The following JARID2 variants were observed in gnomAD, a reference collection of about 807,000 sequenced individuals.
JARID2 encodes jumonji and AT-rich interaction domain containing 2.
A neutral mutation model predicts 125.6 loss-of-function variants in JARID2; 21 were observed. The observed-to-expected ratio is 0.17, with a 90% CI of 0.12 to 0.24. The LOEUF is 0.24. Ranked by LOEUF, JARID2 falls within the 10% of genes least tolerant of loss-of-function variation. JARID2 has a pLI of 1.00. For missense variants in JARID2, 1,303 were observed against 1,639.6 expected (o/e 0.79, Z 3.55); for synonymous variants, 736 against 661.6 (o/e 1.11, Z -1.73).
chr6:15,449,401 T>C (rs947970964), intron 3 of JARID2, among the ~76,000 whole-genome samples: 1 of 152,072 alleles, frequency 6.6e-6, no homozygotes, highest in African/African-American at 2.4e-5. Flanking sequence ...ATCCCAACAC[T>C]TTGGGAGGCC....
intron 5 of JARID2, 35 bp downstream of exon 5, chr6:15,468,753 C>T: frequency 1.3e-6 from 2 of 1,585,258 alleles, no homozygotes; most frequent in South Asian, 1.1e-5. Flanking sequence ...AAGAAAAAAT[C>T]TAAAGCTTTG....
At position 15,511,411 on chromosome 6, in the gene JARID2, C is replaced by T; in HGVS notation, c.2952+10C>T. ...GGAAAGCAACGTCATGGTGCGTCCA[C>T]TCAGCCACCGCCTCCAGCAGGAGCT... On this transcript the variant is annotated intron_variant, in intron 13 of 17. Transcript: ENST00000341776. The T allele has an allele frequency of 6.3e-7, 1 of 1,589,564 alleles. No homozygotes were observed. Among genetic ancestry groups the T allele is most frequent in the South Asian group, 1.1e-5 (1 of 90,570 alleles).
chr6:15,361,606 T>C (rs1283512370), intron 1 of JARID2, among the ~76,000 whole-genome samples: 1 of 152,250 alleles, frequency 6.6e-6, no homozygotes. Context: ...AAGTTGTATG[T>C]ATGCCATACC....
chr6:15,481,121 G>A (rs2127705387), intron 5 of JARID2, among the ~76,000 whole-genome samples: 1 of 152,260 alleles, frequency 6.6e-6, no homozygotes, highest in Non-Finnish European at 1.5e-5. Flanking sequence ...ACCTTCTCAG[G>A]GATGAGGTGA....
rs1561924807 is a variant in JARID2, at chr6:15,520,856, AGGAGACG to A, written c.*610_*616del. ...TTGTTTCCTAACCATAGGTGGAACGAGGAGACGGGAGCGAGTGGGCTCTCCACCAGCA... is the reference window on the plus strand; with the variant it reads ...TTGTTTCCTAACCATAGGTGGAACGAGGAGCGAGTGGGCTCTCCACCAGCA... On this transcript the variant is annotated 3_prime_UTR_variant, in exon 18 of 18. Transcript: ENST00000341776. 1 of 455,910 alleles carries A rather than the reference AGGAGACG, an allele frequency of 2.2e-6. No homozygotes were observed. Among genetic ancestry groups the A allele is most frequent in the East Asian group, 7.0e-5 (1 of 14,378 alleles). The allele number at this position is 455,910 out of a possible 1,614,324, so 28.2% of individuals were successfully genotyped here.
intron 2 of JARID2, among the ~76,000 whole-genome samples, chr6:15,377,125 T>G (rs1046901595): frequency 5.3e-5 from 8 of 152,054 alleles, no homozygotes; most frequent in Non-Finnish European, 1.0e-4. Flanking sequence ...AGAAGATAGG[T>G]TAGTGGGAGT....
intron 3 of JARID2, among the ~76,000 whole-genome samples, chr6:15,432,462 AACAACAAC>A (rs1203036855): frequency 1.2e-3 from 188 of 150,872 alleles, no homozygotes; most frequent in African/African-American, 4.3e-3. Flanking sequence ...CAACAACAAC[AACAACAAC>A]AACAACAACA....
chr6:15,496,608 A>G lies in JARID2; in HGVS notation c.1383A>G (p.Lys461=), dbSNP rs778200521. The change falls in exon 7 of 18, where the codon AAA becomes AAG. Residue 461 remains lysine, a synonymous_variant. Coordinates refer to ENST00000341776, the MANE Select transcript of JARID2 (RefSeq NM_004973.4). ...EKPQSPPKKM[K]GAAGPAEGPG... ...CGCAGTCGCCCCCCAAGAAGATGAAAGGGGCGGCTGGCCCCGCCGAAGGCC... is the reference window on the plus strand; with the variant it reads ...CGCAGTCGCCCCCCAAGAAGATGAAGGGGGCGGCTGGCCCCGCCGAAGGCC... 52 of 1,603,588 alleles carry G rather than the reference A, an allele frequency of 3.2e-5. No homozygotes were observed. In the African/African-American group the frequency reaches 6.7e-4, roughly 21 times the overall value.
In JARID2 at chr6:15,496,127, C is replaced by T. The variant is rs1472969779; in HGVS notation, c.907-5C>T. ...TTTTCCACCTCTGCTTCTGCTGCTC[C>T]ACAGGTTTCTAAGGTAAACGGAGTC... On this transcript the variant is annotated splice_region_variant and splice_polypyrimidine_tract_variant and intron_variant, in intron 6 of 17. Transcript: ENST00000341776. 6.2e-7 allele frequency: 1 copy of T among 1,600,700 alleles called. No individual in the cohort carries two copies. Among genetic ancestry groups the T allele is most frequent in the Non-Finnish European group, 8.5e-7 (1 of 1,171,698 alleles).
intron 1 of JARID2, among the ~76,000 whole-genome samples, chr6:15,346,116 A>G (rs772856144): frequency 6.6e-6 from 1 of 152,238 alleles, no homozygotes; most frequent in Non-Finnish European, 1.5e-5. Flanking sequence ...AGGGTCTTTC[A>G]TCTAGTTAAA....
chr6:15,421,676 A>T (rs1016346890), intron 3 of JARID2, among the ~76,000 whole-genome samples: 1 of 152,144 alleles, frequency 6.6e-6, no homozygotes, highest in Non-Finnish European at 1.5e-5. Context: ...TACCACCCTC[A>T]CTTGGCAGCT....
intron 11 of JARID2, 94 bp downstream of exon 11, chr6:15,507,510 C>A: frequency 9.8e-7 from 1 of 1,021,206 alleles, no homozygotes; most frequent in Non-Finnish European, 1.5e-6. Flanking sequence ...TAAGCACTGC[C>A]GGGGAGGGAT....
chr6:15,399,479 C>T (rs1765341733), intron 2 of JARID2, among the ~76,000 whole-genome samples: 1 of 151,898 alleles, frequency 6.6e-6, no homozygotes. Context: ...CCATCATCTA[C>T]CTTCGTGATG....
At chr6:15,274,034 T>C (rs1005789625) in intron 1 of JARID2, among the ~76,000 whole-genome samples, 1 of 152,088 alleles carries the variant, frequency 6.6e-6, no homozygotes, top group Non-Finnish European at 1.5e-5. Context: ...GTTCAAGTGA[T>C]TCTCCTGCCT....
chr6:15,361,619 CT>C (rs925433261), intron 1 of JARID2, among the ~76,000 whole-genome samples: 3 of 150,938 alleles, frequency 2.0e-5, no homozygotes, highest in South Asian at 4.2e-4. Context: ...GCCATACCAC[CT>C]TTTTTTTTGG....
intron 3 of JARID2, among the ~76,000 whole-genome samples, chr6:15,441,881 T>G (rs1232453403): frequency 1.3e-5 from 2 of 152,118 alleles, no homozygotes; most frequent in African/African-American, 4.8e-5. Context: ...AACCTCCACC[T>G]CCTGGGTTCA....
chr6:15,456,538 C>T (rs972986102), intron 4 of JARID2, among the ~76,000 whole-genome samples: 4 of 152,056 alleles, frequency 2.6e-5, no homozygotes, highest in African/African-American at 9.6e-5. Context: ...TTCTTTTATA[C>T]TTTTTTTAGA....
intron 1 of JARID2, among the ~76,000 whole-genome samples, chr6:15,249,382 T>C (rs527588137): frequency 1.3e-5 from 2 of 152,172 alleles, no homozygotes; most frequent in South Asian, 4.2e-4. Flanking sequence ...CTGACTGTTA[T>C]TTTGGGGGGC....
chr6:15,509,062 T>C (rs557192813), intron 12 of JARID2: 2 of 1,289,250 alleles, frequency 1.6e-6, no homozygotes, highest in South Asian at 1.2e-5. Flanking sequence ...ACGCGCGTTA[T>C]GTACCCTGTG....
Sources: allele counts gnomAD v4.1 joint callset (sites outside exome capture counted in the v4.1 genomes callset), GRCh38; gene constraint gnomAD v4.1.1; transcripts MANE v1.5; gene names NCBI Gene and HGNC (gene_info 2026-07-23, HGNC 2026-07-21).